The following SLC22A24 variants were observed in gnomAD, a reference collection of about 807,000 sequenced individuals.
SLC22A24 encodes the protein solute carrier family 22 member 24, also known as steroid transmembrane transporter SLC22A24.
SLC22A24 carries 53 observed loss-of-function variants against 49.8 expected under a neutral mutation model. That is an observed-to-expected ratio of 1.06 (90% confidence interval 0.85 to 1.34). The LOEUF (loss-of-function observed/expected upper bound fraction) is 1.34. SLC22A24 is among the 40% of genes most tolerant of loss of function. SLC22A24 has a pLI of 0.00. For synonymous variants in SLC22A24, 302 were observed against 256.4 expected (o/e 1.18, Z -1.70); for missense variants, 786 against 675.9 (o/e 1.16, Z -1.81).
chr11:63,124,453 T>G (rs1018541091), intron 2 of SLC22A24, among the ~76,000 whole-genome samples: 1 of 152,222 alleles, frequency 6.6e-6, no homozygotes, highest in African/African-American at 2.4e-5. Context: ...CTTAAAGGTT[T>G]TGTAACAGAA....
At chr11:63,080,473 T>G (rs945053111) in intron 9 of SLC22A24, among the ~76,000 whole-genome samples, 12 of 152,224 alleles carry the variant, frequency 7.9e-5, no homozygotes, top group Admixed American at 6.5e-4. Flanking sequence ...CCCATGATTC[T>G]TTGACTGAAG....
At chr11:63,133,522 G>T (rs1164864808) in intron 2 of SLC22A24, among the ~76,000 whole-genome samples, 2 of 152,198 alleles carry the variant, frequency 1.3e-5, no homozygotes, top group East Asian at 1.9e-4. Context: ...CAGTGTCCTT[G>T]TGGGTGACAT....
chr11:63,109,584 T>C (rs2134656837), intron 4 of SLC22A24, among the ~76,000 whole-genome samples: 1 of 149,694 alleles, frequency 6.7e-6, no homozygotes, highest in African/African-American at 2.4e-5. Context: ...GATTTGCATT[T>C]CTCTGATGGC....
chr11:63,117,082 G>T (rs1043825367), intron 4 of SLC22A24, among the ~76,000 whole-genome samples: 33 of 152,132 alleles, frequency 2.2e-4, no homozygotes, highest in Admixed American at 2.1e-3. Flanking sequence ...GGCTTGTCAG[G>T]TATAGTTTGT....
intron 4 of SLC22A24, among the ~76,000 whole-genome samples, chr11:63,116,519 G>A (rs547664169): frequency 1.3e-5 from 2 of 152,088 alleles, no homozygotes; most frequent in South Asian, 4.2e-4. Context: ...TCTTTTGATG[G>A]TTTTAAAAAT....
intron 5 of SLC22A24, among the ~76,000 whole-genome samples, chr11:63,097,227 A>G (rs959986547): frequency 9.7e-5 from 6 of 61,680 alleles, no homozygotes; most frequent in Non-Finnish European, 2.1e-4. Flanking sequence ...AAACAAATTT[A>G]CAAGAAAAAA....
chr11:63,132,296 T>C (rs1013431051), intron 2 of SLC22A24, among the ~76,000 whole-genome samples: 6 of 152,228 alleles, frequency 3.9e-5, no homozygotes, highest in African/African-American at 1.4e-4. Flanking sequence ...CTTGTCAAAC[T>C]CATTCTTCAT....
At chr11:63,098,820 C>T (rs1474965278) in intron 5 of SLC22A24, among the ~76,000 whole-genome samples, 2 of 151,822 alleles carry the variant, frequency 1.3e-5, no homozygotes, top group South Asian at 4.1e-4. Context: ...GAAAACAATA[C>T]AAAAAATGAA....
At chr11:63,139,667 G>A (rs1043597855) in intron 1 of SLC22A24, among the ~76,000 whole-genome samples, 1 of 152,162 alleles carries the variant, frequency 6.6e-6, no homozygotes, top group Admixed American at 6.5e-5. Context: ...GTTGGTAAAA[G>A]CACCACACTG....
Position 63,104,197 on chromosome 11 carries a change from G to A in SLC22A24, c.932C>T (p.Thr311Ile). ...RVAHINGKKN[T>I]EETLTTELVR... ...CACCTCAGTGGTCAGTGTCTCTTCAGTATTCTTTTTTCCATTTATGTGTGC... is the reference window on the plus strand; with the variant it reads ...CACCTCAGTGGTCAGTGTCTCTTCAATATTCTTTTTTCCATTTATGTGTGC... The change falls in exon 5 of 10, where the codon ACT becomes ATT. Residue 311 changes from threonine (T) to isoleucine (I), a missense_variant. Transcript: ENST00000612278. The A allele has an allele frequency of 2.6e-6, 4 of 1,550,148 alleles. No homozygotes were observed. Among genetic ancestry groups the A allele is most frequent in the Non-Finnish European group, 3.5e-6 (4 of 1,146,828 alleles).
At chr11:63,128,731 C>A (rs1383520088) in intron 2 of SLC22A24, among the ~76,000 whole-genome samples, 1 of 152,164 alleles carries the variant, frequency 6.6e-6, no homozygotes, top group Non-Finnish European at 1.5e-5. Flanking sequence ...GGACACATGA[C>A]CCATGTGACC....
At chr11:63,115,508 C>A (rs573633205) in intron 4 of SLC22A24, among the ~76,000 whole-genome samples, 35 of 152,298 alleles carry the variant, frequency 2.3e-4, no homozygotes, top group Non-Finnish European at 4.7e-4. Context: ...ATCCCCCAAC[C>A]CCTTGCACTT....
At chr11:63,090,359 A>T (rs906101235) in intron 6 of SLC22A24, among the ~76,000 whole-genome samples, 1 of 152,100 alleles carries the variant, frequency 6.6e-6, no homozygotes, top group South Asian at 2.1e-4. Context: ...AACCAAGCAG[A>T]CCTAATAGAC....
intron 9 of SLC22A24, among the ~76,000 whole-genome samples, chr11:63,080,496 A>G (rs561666077): frequency 6.6e-6 from 1 of 152,312 alleles, no homozygotes; most frequent in African/African-American, 2.4e-5. Context: ...ATAATTAGGT[A>G]TGAGGCAATC....
intron 4 of SLC22A24, among the ~76,000 whole-genome samples, chr11:63,105,364 A>C (rs373761496): frequency 9.0e-4 from 1 of 1,112 alleles, no homozygotes; most frequent in Non-Finnish European, 1.9e-3. Context: ...TCTGGCCCCA[A>C]TTTCCCTTCT....
intron 2 of SLC22A24, among the ~76,000 whole-genome samples, chr11:63,124,378 T>C (rs1375305905): frequency 6.6e-6 from 1 of 152,214 alleles, no homozygotes; most frequent in African/African-American, 2.4e-5. Flanking sequence ...ATGGATTAAC[T>C]GTGTGATATT....
intron 9 of SLC22A24, among the ~76,000 whole-genome samples, chr11:63,080,603 GA>G (rs1214740950): frequency 1.3e-5 from 2 of 152,208 alleles, no homozygotes; most frequent in African/African-American, 2.4e-5. Flanking sequence ...GCAGATTTGT[GA>G]GAAAACAACA....
chr11:63,137,528 T>G (rs2087384095), intron 1 of SLC22A24, among the ~76,000 whole-genome samples: 1 of 152,196 alleles, frequency 6.6e-6, no homozygotes, highest in South Asian at 2.1e-4. Flanking sequence ...TTGCAGGTTA[T>G]CTCTCCCCAC....
intron 9 of SLC22A24, among the ~76,000 whole-genome samples, 190 bp from the exon 10 acceptor site, chr11:63,080,190 G>A (rs2086951181): frequency 6.6e-6 from 1 of 152,206 alleles, no homozygotes; most frequent in African/African-American, 2.4e-5. Context: ...TTCCTGGGAA[G>A]GCAGTGTTGA....
Sources: allele counts gnomAD v4.1 joint callset (sites outside exome capture counted in the v4.1 genomes callset), GRCh38; gene constraint gnomAD v4.1.1; transcripts MANE v1.5; gene names NCBI Gene and HGNC (gene_info 2026-07-23, HGNC 2026-07-21).